Variants in PLXNA2 observed in about 807,000 individuals in gnomAD.
PLXNA2 encodes plexin A2, also known as plexin-A2.
PLXNA2 carries 91 observed loss-of-function variants against 193.5 expected under a neutral mutation model. The ratio of observed to expected loss-of-function variants is 0.47; its 90% confidence interval spans 0.40 to 0.56. PLXNA2 has a LOEUF of 0.56. Among genes scored for constraint, PLXNA2 ranks in the 20% least tolerant of loss-of-function variants. The probability of loss-of-function intolerance (pLI) is 0.00; values close to 1 mark genes in which losing one functional copy is unlikely to be tolerated. For missense variants in PLXNA2, 1,995 were observed against 2,503.2 expected, an observed-to-expected ratio of 0.80 and a Z score of 4.33; for synonymous variants, 997 against 1,027.3, an observed-to-expected ratio of 0.97 and a Z score of 0.56.
At chr1:208,061,768 C>T (rs1460193703) in intron 12 of PLXNA2, among the ~76,000 whole-genome samples, 3 of 152,242 alleles carry the variant, frequency 2.0e-5, no homozygotes, top group African/African-American at 7.2e-5. Flanking sequence ...AAAAATGTAG[C>T]TCTTTGGGAT....
intron 17 of PLXNA2, 55 bp from the exon 18 acceptor site, chr1:208,046,172 GGGCCCACAGC>G: frequency 1.3e-6 from 2 of 1,566,928 alleles, no homozygotes; most frequent in Non-Finnish European, 1.7e-6. Context: ...CAGAGCCCAG[GGGCCCACAGC>G]CGCTCTCCCA....
At chr1:208,029,872 C>T (rs1484157646) in intron 29 of PLXNA2, 2 of 985,582 alleles carry the variant, frequency 2.0e-6, no homozygotes, top group Non-Finnish European at 2.4e-6. Flanking sequence ...TCCAGCTTTG[C>T]CTTCTCTTCC....
chr1:208,098,744 T>A, intron 6 of PLXNA2, 102 bp downstream of exon 6: 2 of 1,356,914 alleles, frequency 1.5e-6, no homozygotes, highest in East Asian at 5.0e-5. Flanking sequence ...GGATTTAAAG[T>A]CTGATCAATT....
intron 4 of PLXNA2, among the ~76,000 whole-genome samples, chr1:208,112,757 TC>T (rs1320907669): frequency 2.6e-5 from 4 of 152,082 alleles, no homozygotes; most frequent in Non-Finnish European, 5.9e-5. Context: ...TATTAAATAA[TC>T]CCAGTGTTGG....
At chr1:208,032,691 A>G (rs1664539735) in intron 28 of PLXNA2, among the ~76,000 whole-genome samples, 1 of 152,106 alleles carries the variant, frequency 6.6e-6, no homozygotes, top group African/African-American at 2.4e-5. Context: ...CCTCACTTCC[A>G]TCAACATTTG....
intron 28 of PLXNA2, among the ~76,000 whole-genome samples, chr1:208,032,621 C>T (rs904474626): frequency 3.3e-5 from 5 of 151,760 alleles, no homozygotes; most frequent in African/African-American, 1.2e-4. Flanking sequence ...AACATTGGCT[C>T]TTTGATTGTC....
intron 3 of PLXNA2, among the ~76,000 whole-genome samples, chr1:208,178,522 G>A (rs957565656): frequency 2.0e-5 from 3 of 152,190 alleles, no homozygotes; most frequent in African/African-American, 7.2e-5. Context: ...ATCTTCAGGG[G>A]TAGGGGCGGG....
Position 208,082,146 on chromosome 1 carries a change from C to T in PLXNA2, c.2395+266G>A, listed in dbSNP as rs1666364730. On this transcript the variant is annotated intron_variant, in intron 11 of 31. Coordinates refer to ENST00000367033, the MANE Select transcript of PLXNA2 (RefSeq NM_025179.4). The surrounding 1 kb of genome is among the most constrained non-coding windows in gnomAD (Gnocchi z 4.2). ...TGCTGTTCTCCTAGGTCAGGTTCCA[C>T]AGACACTTCAAAGCCTGCAGGAGCC... Among the ~76,000 whole-genome samples the T allele has an allele frequency of 1.3e-5, 2 of 152,212 alleles. No individual in the cohort carries two copies. Among genetic ancestry groups the T allele is most frequent in the African/African-American group, 4.8e-5 (2 of 41,450 alleles).
chr1:208,073,907 T>C (rs1240603113), intron 12 of PLXNA2, among the ~76,000 whole-genome samples: 1 of 152,130 alleles, frequency 6.6e-6, no homozygotes, highest in Non-Finnish European at 1.5e-5. Flanking sequence ...GAAAGAGACC[T>C]GGAACAGATT....
intron 4 of PLXNA2, among the ~76,000 whole-genome samples, chr1:208,122,305 G>A (rs1047495561): frequency 3.3e-5 from 5 of 152,148 alleles, no homozygotes; most frequent in Non-Finnish European, 7.3e-5. Flanking sequence ...CATATTTAAG[G>A]TTCTATCATG....
At chr1:208,088,249 G>A (rs1558185625) in intron 9 of PLXNA2, among the ~76,000 whole-genome samples, 1 of 152,184 alleles carries the variant, frequency 6.6e-6, no homozygotes, top group African/African-American at 2.4e-5. Context: ...ACCTGGTTTA[G>A]GAGCCCTATG....
intron 17 of PLXNA2, among the ~76,000 whole-genome samples, chr1:208,048,263 G>T (rs1223115100): frequency 3.3e-5 from 5 of 152,188 alleles, no homozygotes; most frequent in African/African-American, 1.2e-4. Context: ...ATCCACTGGG[G>T]CAGCTTCAAA....
chr1:208,150,991 A>G (rs946401129), intron 3 of PLXNA2, among the ~76,000 whole-genome samples: 2 of 152,178 alleles, frequency 1.3e-5, no homozygotes, highest in Non-Finnish European at 2.9e-5. Flanking sequence ...CCACCTTTAA[A>G]CACTGCTCCA....
intron 12 of PLXNA2, among the ~76,000 whole-genome samples, chr1:208,064,861 C>T (rs1449364533): frequency 2.0e-5 from 3 of 152,114 alleles, no homozygotes; most frequent in African/African-American, 7.2e-5. Flanking sequence ...TGCAGGGTCC[C>T]AATCCCCCGA....
At chr1:208,221,314 A>G (rs1248884311) in intron 1 of PLXNA2, among the ~76,000 whole-genome samples, 2 of 151,414 alleles carry the variant, frequency 1.3e-5, no homozygotes, top group Non-Finnish European at 1.5e-5. Context: ...TGTGATTCCA[A>G]TAGCAGCTGA....
At position 208,067,486 on chromosome 1, in the gene PLXNA2, A is replaced by G. The variant is rs183343499; in HGVS notation, c.2587-6649T>C. On this transcript the variant is annotated intron_variant, in intron 12 of 31. Transcript: ENST00000367033. ...GTACAGTAACGTCCTAGGCCTTCAC[A>G]TTCACTCACCACTCACTGAACTCAC... 5.9e-5 allele frequency among the ~76,000 whole-genome samples: 9 copies of G among 152,294 alleles called. No individual in the cohort carries two copies. In the East Asian group the frequency reaches 1.7e-3, roughly 29 times the overall value.
intron 4 of PLXNA2, among the ~76,000 whole-genome samples, chr1:208,104,962 A>G (rs923461261): frequency 2.0e-5 from 3 of 152,208 alleles, no homozygotes; most frequent in African/African-American, 7.2e-5. Flanking sequence ...AGTTGACTCA[A>G]AGTCAACTCA....
intron 4 of PLXNA2, among the ~76,000 whole-genome samples, chr1:208,122,144 T>G (rs1667825732): frequency 6.6e-6 from 1 of 152,162 alleles, no homozygotes. Context: ...AGAGTCTTAA[T>G]GAAAACCATA....
intron 3 of PLXNA2, among the ~76,000 whole-genome samples, chr1:208,186,101 T>C (rs1238973867): frequency 6.6e-6 from 1 of 152,200 alleles, no homozygotes; most frequent in East Asian, 1.9e-4. Context: ...GCTATCTTCA[T>C]CACCCTGCAT....
Sources: allele counts gnomAD v4.1 joint callset (sites outside exome capture counted in the v4.1 genomes callset), GRCh38; gene constraint gnomAD v4.1.1; non-coding constraint Gnocchi (gnomAD v3.1); transcripts MANE v1.5; gene names NCBI Gene and HGNC (gene_info 2026-07-23, HGNC 2026-07-21).